The following ST18 variants were observed in gnomAD, a reference collection of about 807,000 sequenced individuals.
ST18 encodes ST18 C2H2C-type zinc finger transcription factor, also known as suppression of tumorigenicity 18 protein.
Under a neutral mutation model 110.0 loss-of-function variants are expected in ST18, and 50 were observed. The ratio of observed to expected loss-of-function variants is 0.45; its 90% CI spans 0.36 to 0.58. The LOEUF (loss-of-function observed/expected upper bound fraction) is 0.58, where lower values mean the gene tolerates loss of function less well. Among genes scored for constraint, ST18 ranks in the 20% least tolerant of loss-of-function variants. The probability of loss-of-function intolerance (pLI) is 0.00; values close to 1 mark genes in which losing one functional copy is unlikely to be tolerated. For synonymous variants in ST18, 461 were observed against 452.4 expected, an observed-to-expected ratio of 1.02 and a Z score of -0.24; for missense variants, 1,306 against 1,280.1, an observed-to-expected ratio of 1.02 and a Z score of -0.31.
At chr8:52,201,194 G>A (rs1275028214) in intron 8 of ST18, 1 of 152,398 alleles carries the variant, frequency 6.6e-6, no homozygotes, top group Non-Finnish European at 1.5e-5. Context: ...ACAATGGCCA[G>A]GGTTGTGTGA....
In ST18 at chr8:52,303,530, C is replaced by T. The variant is rs192527022; in HGVS notation, c.-464-73453G>A. 2.8e-3 allele frequency among the ~76,000 whole-genome samples: 433 copies of T among 152,244 alleles called. 5 individuals are homozygous for T. The highest frequency in any genetic ancestry group is 1.0e-3 in the Non-Finnish European group (68 of 68,024). On this transcript the variant is annotated intron_variant, in intron 2 of 25. Transcript: ENST00000689386. ...CTTCAATGTATCTTTTGGGGGCATG[C>T]GATTCAGCGGCAACACACCTTAATC...
chr8:52,178,977 A>C (rs528118062), intron 9 of ST18, among the ~76,000 whole-genome samples: 2 of 152,152 alleles, frequency 1.3e-5, no homozygotes, highest in Non-Finnish European at 2.9e-5. Flanking sequence ...CTTATTGCTA[A>C]CTATGATTCT....
At chr8:52,379,098 CTTTCTTTTTT>C (rs1393572225) in intron 2 of ST18, among the ~76,000 whole-genome samples, 1 of 143,088 alleles carries the variant, frequency 7.0e-6, no homozygotes, top group African/African-American at 2.8e-5. Flanking sequence ...TATTTCTTTT[CTTTCTTTTTT>C]TTTTTTTTGA....
At chr8:52,390,107 G>A (rs1838779766) in intron 2 of ST18, among the ~76,000 whole-genome samples, 1 of 152,098 alleles carries the variant, frequency 6.6e-6, no homozygotes, top group African/African-American at 2.4e-5. Context: ...TCTAAGACAG[G>A]GCCGTTTCCC....
intron 15 of ST18, among the ~76,000 whole-genome samples, chr8:52,150,276 GTGTGTATATATA>G (rs1288588578): frequency 2.0e-5 from 3 of 151,818 alleles, no homozygotes; most frequent in Non-Finnish European, 4.4e-5. Flanking sequence ...GTGTGTGTGT[GTGTGTATATATA>G]TGTGTATATA....
At chr8:52,306,360 C>A (rs1286536503) in intron 2 of ST18, among the ~76,000 whole-genome samples, 1 of 152,074 alleles carries the variant, frequency 6.6e-6, no homozygotes, top group African/African-American at 2.4e-5. Flanking sequence ...AATGCAGAAT[C>A]CTTAAGGGCA....
At chr8:52,289,627 C>T (rs1389803243) in intron 2 of ST18, among the ~76,000 whole-genome samples, 2 of 152,162 alleles carry the variant, frequency 1.3e-5, no homozygotes, top group African/African-American at 4.8e-5. Context: ...CTGGGCTCCT[C>T]CAGCTAATGT....
intron 2 of ST18, among the ~76,000 whole-genome samples, chr8:52,341,845 C>T (rs1815170790): frequency 7.1e-6 from 1 of 141,414 alleles, no homozygotes; most frequent in South Asian, 2.5e-4. Flanking sequence ...CAGCTCCCCA[C>T]TGCCTGGCCC....
intron 14 of ST18, among the ~76,000 whole-genome samples, chr8:52,159,352 C>T (rs1238499725): frequency 6.6e-6 from 1 of 151,102 alleles, no homozygotes; most frequent in Non-Finnish European, 1.5e-5. Flanking sequence ...TGTATTTACG[C>T]TTCTTATGAC....
chr8:52,389,194 C>A (rs994298502), intron 2 of ST18, among the ~76,000 whole-genome samples: 2 of 152,092 alleles, frequency 1.3e-5, no homozygotes, highest in African/African-American at 4.8e-5. Flanking sequence ...CCTTTGGAGG[C>A]GAGCGCGGAG....
At chr8:52,208,595 G>A (rs2080979819) in intron 8 of ST18, among the ~76,000 whole-genome samples, 2 of 152,234 alleles carry the variant, frequency 1.3e-5, no homozygotes, top group African/African-American at 4.8e-5. Context: ...GGGAGGCCGA[G>A]GCGGGAGGAT....
chr8:52,251,907 C>A (rs146279804), intron 2 of ST18, among the ~76,000 whole-genome samples: 25 of 152,038 alleles, frequency 1.6e-4, no homozygotes, highest in Non-Finnish European at 3.4e-4. Flanking sequence ...TTTAACTATT[C>A]TTTTTGCATT....
At chr8:52,380,659 T>C (rs912370347) in intron 2 of ST18, among the ~76,000 whole-genome samples, 3 of 152,114 alleles carry the variant, frequency 2.0e-5, no homozygotes, top group Admixed American at 6.5e-5. Context: ...CTATCCAGTG[T>C]CATCCAGAAG....
intron 2 of ST18, among the ~76,000 whole-genome samples, chr8:52,382,522 T>A (rs546541321): frequency 8.5e-5 from 13 of 152,346 alleles, no homozygotes; most frequent in African/African-American, 3.1e-4. Flanking sequence ...TCAAGGCATT[T>A]TCTCTTTTTT....
At position 52,214,191 on chromosome 8, in the gene ST18, T is replaced by C; in HGVS notation, c.55+12A>G. Reference sequence around the variant, plus strand: ...GTGGGCATAGTGTCATAGAACCTGCTTGCTAACTCACCCTCGGTTCCTTTA... The same window carrying C: ...GTGGGCATAGTGTCATAGAACCTGCCTGCTAACTCACCCTCGGTTCCTTTA... On this transcript the variant is annotated intron_variant, in intron 7 of 25. Coordinates refer to ENST00000689386, the MANE Select transcript of ST18 (RefSeq NM_001352837.2). The C allele has an allele frequency of 6.2e-7, 1 of 1,614,056 alleles. No homozygotes were observed. The highest frequency in any genetic ancestry group is 8.5e-7 in the Non-Finnish European group (1 of 1,179,924).
At chr8:52,328,462 C>T (rs924091401) in intron 2 of ST18, among the ~76,000 whole-genome samples, 2 of 152,166 alleles carry the variant, frequency 1.3e-5, no homozygotes, top group Non-Finnish European at 2.9e-5. Flanking sequence ...CATTTATTGA[C>T]TGTTATTGAG....
chr8:52,225,601 G>A (rs1341837284), intron 3 of ST18, among the ~76,000 whole-genome samples: 1 of 152,182 alleles, frequency 6.6e-6, no homozygotes, highest in East Asian at 1.9e-4. Context: ...CAGCAAGCAG[G>A]CCTGATTACT....
At chr8:52,394,196 C>T (rs1029484064) in intron 2 of ST18, among the ~76,000 whole-genome samples, 5 of 152,204 alleles carry the variant, frequency 3.3e-5, no homozygotes, top group African/African-American at 1.2e-4. Flanking sequence ...CAAGTTGTCA[C>T]ACGTGAACCC....
intron 2 of ST18, among the ~76,000 whole-genome samples, chr8:52,387,790 CA>C (rs976243585): frequency 1.2e-4 from 19 of 152,152 alleles, no homozygotes; most frequent in Middle Eastern, 3.4e-3. Flanking sequence ...AGATATTTTG[CA>C]AAATGTTTTT....
Sources: gnomAD v4.1 joint callset for allele counts (sites outside exome capture counted in the v4.1 genomes callset) on GRCh38, gnomAD v4.1.1 for gene constraint, MANE v1.5 for transcripts, NCBI Gene and HGNC (gene_info 2026-07-23, HGNC 2026-07-21) for gene names.